Variants in ZNF225 observed in about 807,000 individuals in gnomAD.
The protein encoded by ZNF225 is zinc finger protein 225.
A neutral mutation model predicts 12.0 loss-of-function variants in ZNF225; 6 were observed. That is an observed-to-expected ratio of 0.50 (90% CI 0.27 to 0.98). The LOEUF (loss-of-function observed/expected upper bound fraction) is 0.98. Among genes scored for constraint, ZNF225 ranks in the 50% least tolerant of loss-of-function variants. The pLI is 0.11. For synonymous variants in ZNF225, 271 were observed against 283.2 expected (o/e 0.96, Z 0.43); for missense variants, 763 against 848.2 (o/e 0.90, Z 1.25).
chr19:44,132,341 G>A lies in ZNF225; in HGVS notation c.1727G>A (p.Ser576Asn). Residue 576 changes from serine (S) to asparagine (N), a missense_variant, in exon 5 of 5, where the codon AGC becomes AAC. Ser to Asn is a conservative substitution (Grantham distance 46). Transcript: ENST00000262894. ...RPYNCKECGK[S>N]FSRASSILNH... ...TATAATTGTAAAGAATGTGGGAAGA[G>A]CTTTAGCCGGGCCTCAAGTATTTTG... is the stretch of plus-strand genomic sequence containing the variant. The A allele has an allele frequency of 6.2e-7, 1 of 1,614,122 alleles. No homozygotes were observed. Among genetic ancestry groups the A allele is most frequent in the Non-Finnish European group, 8.5e-7 (1 of 1,180,010 alleles).
chr19:44,131,471 A>G lies in ZNF225; in HGVS notation c.857A>G (p.Lys286Arg), dbSNP rs1411988756. ...QEHQRIHTGE[K>R]PFKCDICCKS... Reference sequence around the variant, plus strand: ...CATCAAAGAATCCATACTGGGGAGAAGCCATTCAAATGTGATATATGTTGT... The same window carrying G: ...CATCAAAGAATCCATACTGGGGAGAGGCCATTCAAATGTGATATATGTTGT... Residue 286 changes from lysine (K) to arginine (R), a missense_variant, in exon 5 of 5, where the codon AAG becomes AGG. Physicochemically the swap from Lys to Arg is conservative, Grantham distance 26 (BLOSUM62 2). Transcript: ENST00000262894. 6.2e-7 allele frequency: 1 copy of G among 1,614,246 alleles called. No homozygotes were observed. The highest frequency in any genetic ancestry group is 8.5e-7 in the Non-Finnish European group (1 of 1,180,040).
intron 4 of ZNF225, among the ~76,000 whole-genome samples, chr19:44,123,920 T>C (rs997474908): frequency 1.3e-5 from 2 of 152,116 alleles, no homozygotes; most frequent in African/African-American, 4.8e-5. Context: ...CTATCAATTT[T>C]ATTTATCTTT....
upstream of ZNF225, chr19:44,111,962 G>C (rs1967840430): frequency 6.6e-6 from 1 of 152,300 alleles, no homozygotes; most frequent in South Asian, 2.1e-4. Context: ...CAGTTTAGGA[G>C]CGGAGGTTTA....
rs753484957 is a variant in ZNF225 at position 44,131,098 on chromosome 19, G to A, written c.484G>A (p.Val162Ile). Residue 162 changes from valine (V) to isoleucine (I), a missense_variant, in exon 5 of 5, where the codon GTC (valine) becomes ATC (isoleucine). Transcript: ENST00000262894. ...TCKKSFSDVS[V>I]LDLHQQLQSR... is the part of the protein sequence containing the mutation. ...TAAAAAGTCCTTTAGTGATGTCTCC[G>A]TCCTTGATCTTCATCAACAACTACA... is the stretch of plus-strand genomic sequence containing the variant. The A allele has an allele frequency of 1.6e-5, 26 of 1,614,102 alleles. No homozygotes were observed. The highest frequency in any genetic ancestry group is 3.3e-4 in the Middle Eastern group (2 of 6,062).
intron 4 of ZNF225, among the ~76,000 whole-genome samples, chr19:44,119,695 A>G (rs373013260): frequency 1.3e-5 from 2 of 152,184 alleles, no homozygotes; most frequent in African/African-American, 4.8e-5. Context: ...CTGCAATCCC[A>G]GTCCCCCTTG....
chr19:44,120,769 C>T (rs1231249416), intron 4 of ZNF225, among the ~76,000 whole-genome samples: 4 of 152,114 alleles, frequency 2.6e-5, no homozygotes, highest in East Asian at 1.9e-4. Context: ...TATTTGGTTA[C>T]ATAAGTTCTT....
At chr19:44,121,477 G>A (rs765881292) in intron 4 of ZNF225, among the ~76,000 whole-genome samples, 12 of 152,092 alleles carry the variant, frequency 7.9e-5, no homozygotes, top group African/African-American at 1.2e-4. Context: ...TATCTTTTTC[G>A]TGTAATGACT....
rs773022678 is a variant in ZNF225 at position 44,132,113 on chromosome 19, A to G, written c.1499A>G (p.Tyr500Cys). 3 of 1,614,094 alleles carry G rather than the reference A, an allele frequency of 1.9e-6. No individual in the cohort carries two copies. The East Asian group carries it at 6.7e-5, about 36-fold the overall frequency. ...GKRFTQNSQLYTHRRVHSGEK... is the reference protein window; with the variant it reads ...GKRFTQNSQLCTHRRVHSGEK... ...AGATTTACTCAGAATTCACAACTTT[A>G]TACCCATCGTAGAGTCCACAGTGGA... The change falls in exon 5 of 5, where the codon TAT becomes TGT. Residue 500 changes from tyrosine (Y) to cysteine (C), a missense_variant. Coordinates refer to ENST00000262894, the MANE Select transcript of ZNF225 (RefSeq NM_013362.4).
chr19:44,129,344 A>T (rs1163210242), intron 4 of ZNF225: 3 of 314,858 alleles, frequency 9.5e-6, no homozygotes, highest in Non-Finnish European at 1.7e-5. Context: ...TATTCTTAAA[A>T]TTATGGGTTT....
rs1967934639 is a variant in ZNF225, at chr19:44,115,961, A to G, written c.15+119A>G. 4 of 985,596 alleles carry G rather than the reference A, an allele frequency of 4.1e-6. No homozygotes were observed. In the East Asian group the frequency reaches 1.1e-4, roughly 28 times the overall value. 61.1% of individuals were successfully genotyped at this position (985,596 alleles called of 1,614,324 possible). The stretch of plus-strand genomic sequence containing the variant: ...ATTGCAACCTCCACCTCCGGAGTTC[A>G]AGTGATTCTCCTGCTTCAGCCTCCC... On this transcript the variant is annotated intron_variant, in intron 2 of 4. Coordinates refer to ENST00000262894, the MANE Select transcript of ZNF225 (RefSeq NM_013362.4).
At chr19:44,121,454 A>G (rs1271606279) in intron 4 of ZNF225, among the ~76,000 whole-genome samples, 2 of 152,228 alleles carry the variant, frequency 1.3e-5, no homozygotes, top group African/African-American at 2.4e-5. Context: ...TGCTGTAAAC[A>G]TGCATGTGCA....
chr19:44,113,726 C>T (rs904291851), intron 1 of ZNF225, among the ~76,000 whole-genome samples, 157 bp downstream of exon 1: 6 of 152,110 alleles, frequency 3.9e-5, no homozygotes, highest in Non-Finnish European at 7.3e-5. Context: ...CTCGGCCTCC[C>T]TGCACCCCAC....
rs1682198559 is a variant in ZNF225 at position 44,131,197 on chromosome 19, C to A, written c.583C>A (p.Gln195Lys). ...TTATAGCTCAGCTCTTCGTATTCAT[C>A]AGAGAGTTCACATGGGGGAGAAACT... ...FCYSSALRIH[Q>K]RVHMGEKLYN... is the part of the protein sequence containing the mutation. Residue 195 changes from glutamine to lysine, a missense_variant, in exon 5 of 5, where the codon CAG (glutamine) becomes AAG (lysine). Gln to Lys is a moderately conservative substitution (Grantham distance 53). Transcript: ENST00000262894. The A allele has an allele frequency of 6.2e-7, 1 of 1,614,066 alleles. No homozygotes were observed. Among genetic ancestry groups the A allele is most frequent in the African/African-American group, 1.3e-5 (1 of 74,926 alleles).
intron 2 of ZNF225, among the ~76,000 whole-genome samples, chr19:44,116,079 C>A (rs1236533432): frequency 6.6e-6 from 1 of 152,176 alleles, no homozygotes; most frequent in Non-Finnish European, 1.5e-5. Context: ...CCAGGCTGTT[C>A]TCAAACTCCT....
At position 44,134,398 on chromosome 19, in the gene ZNF225, G is replaced by A. The variant is rs746995027; in HGVS notation, c.*1663G>A. ...CCATGCCTACCAGTTATGGAATGGT[G>A]GCAACCCTCTCAAACTCCGTGTTTC... On this transcript the variant is annotated 3_prime_UTR_variant, in exon 5 of 5. Coordinates refer to ENST00000262894, the MANE Select transcript of ZNF225 (RefSeq NM_013362.4). 1.3e-5 allele frequency: 2 copies of A among 152,144 alleles called. No individual in the cohort carries two copies. The highest frequency in any genetic ancestry group is 2.4e-5 in the African/African-American group (1 of 41,446). The allele number at this position is 152,144 out of a possible 1,614,324, so 9.4% of individuals were successfully genotyped here.
upstream of ZNF225, chr19:44,112,125 GT>G (rs1316183519): frequency 6.6e-6 from 1 of 152,234 alleles, no homozygotes; most frequent in East Asian, 1.9e-4. Context: ...GGTTCGATCA[GT>G]TATGACGTTT....
At chr19:44,129,026 T>C in intron 4 of ZNF225, 1 of 1,228,790 alleles carries the variant, frequency 8.1e-7, no homozygotes, top group Non-Finnish European at 1.0e-6. Context: ...CATCCCCCTT[T>C]GTGTATTTCT....
At position 44,131,060 on chromosome 19, in the gene ZNF225, A is replaced by C; in HGVS notation, c.446A>C (p.Glu149Ala). The C allele has an allele frequency of 6.2e-7, 1 of 1,614,054 alleles. No individual in the cohort carries two copies. Among genetic ancestry groups the C allele is most frequent in the Non-Finnish European group, 8.5e-7 (1 of 1,179,908 alleles). Reference sequence around the variant, plus strand: ...ATTCACGTAAGACAGAAACCTTCTGAGGGTAGGACGTGTAAAAAGTCCTTT... The same window carrying C: ...ATTCACGTAAGACAGAAACCTTCTGCGGGTAGGACGTGTAAAAAGTCCTTT... ...SIIHVRQKPSEGRTCKKSFSD... is the reference protein window; with the variant it reads ...SIIHVRQKPSAGRTCKKSFSD... Residue 149 changes from glutamate to alanine, a missense_variant, in exon 5 of 5, where the codon GAG becomes GCG. Transcript: ENST00000262894.
chr19:44,112,243 A>T (rs1228430767), upstream of ZNF225: 1 of 152,184 alleles, frequency 6.6e-6, no homozygotes, highest in Non-Finnish European at 1.5e-5. Flanking sequence ...CACGTGGCTG[A>T]CAAAGAGAAG....
Sources: gnomAD v4.1 joint callset for allele counts (sites outside exome capture counted in the v4.1 genomes callset) on GRCh38, gnomAD v4.1.1 for gene constraint, MANE v1.5 for transcripts, NCBI Gene and HGNC (gene_info 2026-07-23, HGNC 2026-07-21) for gene names.